The following EZH2 variants were observed in gnomAD, a reference collection of about 807,000 sequenced individuals.
The protein encoded by EZH2 is enhancer of zeste 2 polycomb repressive complex 2 subunit.
Under a neutral mutation model 98.4 loss-of-function variants are expected in EZH2, and 18 were observed. The ratio of observed to expected loss-of-function variants is 0.18; its 90% confidence interval spans 0.13 to 0.27. The LOEUF (loss-of-function observed/expected upper bound fraction) is 0.27, where lower values mean the gene tolerates loss of function less well. EZH2 is among the 10% of genes least tolerant of loss of function. The pLI is 1.00. For synonymous variants in EZH2, 338 were observed against 312.3 expected (o/e 1.08, Z -0.87); for missense variants, 470 against 935.1 (o/e 0.50, Z 6.49).
chr7:148,881,375 A>G (rs954716142), intron 1 of EZH2, among the ~76,000 whole-genome samples: 1 of 152,218 alleles, frequency 6.6e-6, no homozygotes, highest in Non-Finnish European at 1.5e-5. Flanking sequence ...TTAAATGGCC[A>G]ACATAAAGAT....
At chr7:148,866,329 C>G (rs1330960019) in intron 1 of EZH2, among the ~76,000 whole-genome samples, 2 of 151,654 alleles carry the variant, frequency 1.3e-5, no homozygotes, top group South Asian at 2.1e-4. Context: ...GATTAGACCA[C>G]GACGGTTCCT....
At chr7:148,829,427 A>G (rs760256979) in intron 5 of EZH2, among the ~76,000 whole-genome samples, 1 of 152,166 alleles carries the variant, frequency 6.6e-6, no homozygotes, top group Non-Finnish European at 1.5e-5. Context: ...TTTTACTACT[A>G]AAGAATCTTA....
At chr7:148,843,837 C>T (rs1411051420) in intron 3 of EZH2, among the ~76,000 whole-genome samples, 6 of 151,890 alleles carry the variant, frequency 4.0e-5, no homozygotes, top group Admixed American at 3.9e-4. Flanking sequence ...CCTCGTGATC[C>T]GCCCGCCTCG....
rs533468838 is a variant in EZH2, at chr7:148,807,428, C to G, written c.*218G>C. On this transcript the variant is annotated 3_prime_UTR_variant, in exon 20 of 20. Coordinates refer to ENST00000320356, the MANE Select transcript of EZH2 (RefSeq NM_004456.5). The stretch of plus-strand genomic sequence containing the variant: ...ATTCAAAGTTGAAAAATGTACCATA[C>G]TGCATTATTGCAAAAATTCACTGGT... The G allele has an allele frequency of 3.6e-6, 2 of 560,088 alleles. No homozygotes were observed. Among genetic ancestry groups the G allele is most frequent in the Non-Finnish European group, 6.4e-6 (2 of 314,098 alleles). The allele number at this position is 560,088 out of a possible 1,614,324, so 34.7% of individuals were successfully genotyped here.
intron 12 of EZH2, 145 bp from the exon 13 acceptor site, chr7:148,815,691 A>G: frequency 1.4e-6 from 1 of 730,456 alleles, no homozygotes; most frequent in Non-Finnish European, 2.4e-6. Flanking sequence ...TATATTTGCC[A>G]TCAGTTTGAA....
At chr7:148,816,598 A>G in intron 12 of EZH2, 86 bp downstream of exon 12, 3 of 959,052 alleles carry the variant, frequency 3.1e-6, no homozygotes, top group Admixed American at 3.9e-5. Flanking sequence ...TAGACTAAGT[A>G]GAAACCAACA....
chr7:148,827,238 A>G lies in EZH2; in HGVS notation c.654T>C (p.Phe218=), dbSNP rs2129475806. ...TGGCTTCAAAAATTTTATCAGAAGG[A>G]AATTTCCGAGGTGGGCGGCTTTCTT... The part of the protein sequence containing the change: ...DDKESRPPRK[F]PSDKIFEAIS... Residue 218 remains phenylalanine, a synonymous_variant, in exon 7 of 20, where the codon TTT becomes TTC. Coordinates refer to ENST00000320356, the MANE Select transcript of EZH2 (RefSeq NM_004456.5). 1.2e-6 allele frequency: 2 copies of G among 1,613,896 alleles called. No homozygotes were observed. Among genetic ancestry groups the G allele is most frequent in the East Asian group, 4.5e-5 (2 of 44,830 alleles).
Position 148,846,587 on chromosome 7 carries a change from A to G in EZH2, c.129T>C (p.Ser43=), listed in dbSNP as rs1195781743. ...TTTCCAAAATTTTCTGACGATTGGA[A>G]CTAAACATACTCTTAAAAAAAAAAA... ...RRADEVKSMF[S]SNRQKILERT... Residue 43 remains serine (S), a synonymous_variant, in exon 3 of 20, where the codon AGT becomes AGC. Transcript: ENST00000320356. 1 of 1,581,410 alleles carries G rather than the reference A, an allele frequency of 6.3e-7. No individual in the cohort carries two copies. The highest frequency in any genetic ancestry group is 1.8e-5 in the Admixed American group (1 of 55,696).
At chr7:148,808,299 A>C (rs1193841563) in intron 19 of EZH2, among the ~76,000 whole-genome samples, 3 of 152,182 alleles carry the variant, frequency 2.0e-5, no homozygotes, top group Non-Finnish European at 4.4e-5. Context: ...TGGGCCCTTC[A>C]CTCAGACCCT....
chr7:148,867,408 T>C (rs1202439267), intron 1 of EZH2, among the ~76,000 whole-genome samples: 5 of 152,178 alleles, frequency 3.3e-5, no homozygotes, highest in Non-Finnish European at 7.3e-5. Context: ...ATGAAGACAA[T>C]TTGTTTTACC....
chr7:148,844,823 C>G (rs1813546599), intron 3 of EZH2, among the ~76,000 whole-genome samples: 1 of 152,034 alleles, frequency 6.6e-6, no homozygotes, highest in Non-Finnish European at 1.5e-5. Context: ...ATGAGCAATT[C>G]AAGTTGTATG....
At chr7:148,842,417 A>C (rs917772345) in intron 3 of EZH2, among the ~76,000 whole-genome samples, 1 of 152,218 alleles carries the variant, frequency 6.6e-6, no homozygotes, top group African/African-American at 2.4e-5. Flanking sequence ...ACAATGAAGA[A>C]TATAACTACC....
intron 1 of EZH2, among the ~76,000 whole-genome samples, chr7:148,877,232 A>G (rs1254511754): frequency 1.3e-5 from 2 of 152,238 alleles, no homozygotes; most frequent in Non-Finnish European, 2.9e-5. Flanking sequence ...AGCGAATGAG[A>G]TAACAGGGAT....
At chr7:148,813,055 A>ACACACG (rs777380410) in intron 15 of EZH2, among the ~76,000 whole-genome samples, 1,724 of 100,302 alleles carry the variant, frequency 0.017, 23 homozygotes, top group African/African-American at 0.058. Context: ...CCCCACATAC[A>ACACACG]CACACACACA....
Position 148,848,936 on chromosome 7 carries a change from T to A in EZH2, c.-7-1631A>T, listed in dbSNP as rs546158670. Among the ~76,000 whole-genome samples, 31 of 152,208 alleles carry A rather than the reference T, an allele frequency of 2.0e-4. 1 individual carries two copies. The highest frequency in any genetic ancestry group is 6.8e-3 in the Middle Eastern group (2 of 294). On this transcript the variant is annotated intron_variant, in intron 1 of 19. Coordinates refer to ENST00000320356, the MANE Select transcript of EZH2 (RefSeq NM_004456.5). ...TAGCCTCCCATATACTTTTTTTTTT[T>A]ACCTGGCTTCCTGGGATATAAGAGA... is the stretch of plus-strand genomic sequence containing the variant.
chr7:148,847,926 A>G (rs1039247222), intron 1 of EZH2, among the ~76,000 whole-genome samples: 5 of 152,206 alleles, frequency 3.3e-5, no homozygotes, highest in African/African-American at 1.2e-4. Context: ...CGAAAAGAGG[A>G]ATGCAGGAAA....
At chr7:148,815,626 T>TC in intron 12 of EZH2, 80 bp from the exon 13 acceptor site, 1 of 1,252,064 alleles carries the variant, frequency 8.0e-7, no homozygotes, top group Non-Finnish European at 1.2e-6. Flanking sequence ...ACTGGATCTA[T>TC]CTGTGCCATG....
intron 16 of EZH2, among the ~76,000 whole-genome samples, chr7:148,811,324 C>T (rs1177992353): frequency 6.6e-6 from 1 of 152,088 alleles, no homozygotes; most frequent in African/African-American, 2.4e-5. Context: ...CTAATTTTTG[C>T]ATTTTTTGTA....
chr7:148,861,776 G>A (rs1193917603), intron 1 of EZH2, among the ~76,000 whole-genome samples: 1 of 146,520 alleles, frequency 6.8e-6, no homozygotes. Context: ...TTTCAGACCA[G>A]CCTGAGCAAC....
Sources: gnomAD v4.1 joint callset for allele counts (sites outside exome capture counted in the v4.1 genomes callset) on GRCh38, gnomAD v4.1.1 for gene constraint, MANE v1.5 for transcripts, NCBI Gene and HGNC (gene_info 2026-07-23, HGNC 2026-07-21) for gene names.